The following LUZP2 variants were observed in gnomAD, a reference collection of about 807,000 sequenced individuals.
LUZP2 encodes the protein leucine zipper protein 2.
In LUZP2, 52 loss-of-function variants were observed where a neutral mutation model predicts 51.6. The observed-to-expected ratio is 1.01, with a 90% CI of 0.81 to 1.27. The LOEUF is 1.27. Among genes scored for constraint, LUZP2 ranks in the 50% most tolerant of loss-of-function variants. The pLI, the probability that LUZP2 is intolerant of heterozygous loss-of-function variation, is 0.00. For synonymous variants in LUZP2, 154 were observed against 137.3 expected, an observed-to-expected ratio of 1.12 and a Z score of -0.85; for missense variants, 436 against 395.4, an observed-to-expected ratio of 1.10 and a Z score of -0.87.
intron 4 of LUZP2, among the ~76,000 whole-genome samples, chr11:24,745,158 C>T (rs148808368): frequency 6.6e-4 from 101 of 152,152 alleles, no homozygotes; most frequent in African/African-American, 2.3e-3. Flanking sequence ...AAGTTGCATG[C>T]GCTGTTGAAT....
intron 1 of LUZP2, among the ~76,000 whole-genome samples, chr11:24,685,624 T>A (rs1856874129): frequency 6.6e-6 from 1 of 152,158 alleles, no homozygotes; most frequent in Non-Finnish European, 1.5e-5. Flanking sequence ...CAAAGCCTAC[T>A]TGGGAATCTA....
chr11:24,846,959 A>C, intron 5 of LUZP2, among the ~76,000 whole-genome samples: 1 of 151,858 alleles, frequency 6.6e-6, no homozygotes, highest in East Asian at 1.9e-4. Flanking sequence ...ATATGTACGT[A>C]TATGTATATA....
intron 5 of LUZP2, among the ~76,000 whole-genome samples, chr11:24,903,005 T>C (rs1487015418): frequency 6.6e-6 from 1 of 152,206 alleles, no homozygotes; most frequent in Non-Finnish European, 1.5e-5. Context: ...CGCTGTTTAT[T>C]AATTCATAGT....
chr11:24,925,784 T>G (rs571972748), intron 7 of LUZP2, among the ~76,000 whole-genome samples: 1 of 152,236 alleles, frequency 6.6e-6, no homozygotes, highest in Admixed American at 6.5e-5. Context: ...TCAGGTGGTG[T>G]TTGCTTACAT....
chr11:24,787,533 T>C (rs569099692), intron 5 of LUZP2, among the ~76,000 whole-genome samples: 1 of 152,306 alleles, frequency 6.6e-6, no homozygotes, highest in African/African-American at 2.4e-5. Context: ...TTTTCATTTA[T>C]ACCTAGTAAA....
chr11:24,532,791 A>T (rs943347785), intron 1 of LUZP2, among the ~76,000 whole-genome samples: 21 of 151,086 alleles, frequency 1.4e-4, no homozygotes, highest in Non-Finnish European at 2.8e-4. Context: ...AGGTTTCCTA[A>T]TTATATAAAT....
At position 25,013,740 on chromosome 11, in the gene LUZP2, A is replaced by G. The variant is rs137916630; in HGVS notation, c.765+30447A>G. Among the ~76,000 whole-genome samples the G allele has an allele frequency of 4.2e-3, 636 of 151,568 alleles. 4 individuals are homozygous for G. Among genetic ancestry groups the G allele is most frequent in the African/African-American group, 0.014 (592 of 41,048 alleles). On this transcript the variant is annotated intron_variant, in intron 9 of 11. Transcript: ENST00000336930. ...TTAAAAAATTACATTAACTGTATTT[A>G]TTTATTTATTATTCTTTTTTTATTA...
chr11:24,933,473 A>G (rs1854510597), intron 7 of LUZP2, among the ~76,000 whole-genome samples: 1 of 152,210 alleles, frequency 6.6e-6, no homozygotes, highest in Non-Finnish European at 1.5e-5. Context: ...GACCAGGTTT[A>G]TTCATTTGTT....
At chr11:25,060,161 A>G (rs1177772435) in intron 10 of LUZP2, among the ~76,000 whole-genome samples, 1 of 152,180 alleles carries the variant, frequency 6.6e-6, no homozygotes, top group Non-Finnish European at 1.5e-5. Context: ...GTCTTCATTC[A>G]TTAGAGTTGC....
At position 24,682,352 on chromosome 11, in the gene LUZP2, G is replaced by A. The variant is rs556831557; in HGVS notation, c.63-46817G>A. On this transcript the variant is annotated intron_variant, in intron 1 of 11. Coordinates refer to ENST00000336930, the MANE Select transcript of LUZP2 (RefSeq NM_001009909.4). Reference sequence around the variant, plus strand: ...TCTATTAAAAATGCAAAAATTAGCCGGCTACGGTGGCAAGTGTCTGTAATC... The same window carrying A: ...TCTATTAAAAATGCAAAAATTAGCCAGCTACGGTGGCAAGTGTCTGTAATC... 4.0e-5 allele frequency among the ~76,000 whole-genome samples: 6 copies of A among 151,586 alleles called. No homozygotes were observed. The East Asian group carries it at 9.9e-4, about 25-fold the overall frequency.
chr11:24,543,873 G>T (rs975202415), intron 1 of LUZP2, among the ~76,000 whole-genome samples: 2 of 145,434 alleles, frequency 1.4e-5, no homozygotes, highest in Non-Finnish European at 3.0e-5. Context: ...CAATATTTCC[G>T]GGTAGCTATA....
In LUZP2 at chr11:24,888,576, C is replaced by A. The variant is rs115583271; in HGVS notation, c.397-17415C>A. Among the ~76,000 whole-genome samples, 1,063 of 152,182 alleles carry A rather than the reference C, an allele frequency of 7.0e-3. 10 individuals are homozygous for A. The highest frequency in any genetic ancestry group is 0.024 in the African/African-American group (997 of 41,522). On this transcript the variant is annotated intron_variant, in intron 5 of 11. Transcript: ENST00000336930. The stretch of plus-strand genomic sequence containing the variant: ...CCACACAGGAGTGGGAAATATTACA[C>A]GACATTTTTAGGCAGATCTGACACA...
Position 24,731,981 on chromosome 11 carries a change from G to A in LUZP2, c.181-137G>A, listed in dbSNP as rs141834329. On this transcript the variant is annotated intron_variant, in intron 2 of 11. Coordinates refer to ENST00000336930, the MANE Select transcript of LUZP2 (RefSeq NM_001009909.4). ...TTTCTGTTTACATCCTTGGAGCCGTGAGGACCATCATAGACTCATTTTTAA... is the reference window on the plus strand; with the variant it reads ...TTTCTGTTTACATCCTTGGAGCCGTAAGGACCATCATAGACTCATTTTTAA... 4.9e-4 allele frequency: 279 copies of A among 567,486 alleles called. 5 individuals carry two copies. The East Asian group carries it at 7.9e-3, about 16-fold the overall frequency. 35.2% of individuals were successfully genotyped at this position (567,486 alleles called of 1,614,324 possible).
At chr11:24,622,139 A>T (rs1259593260) in intron 1 of LUZP2, among the ~76,000 whole-genome samples, 1 of 150,984 alleles carries the variant, frequency 6.6e-6, no homozygotes, top group Non-Finnish European at 1.5e-5. Flanking sequence ...TAATGTTATT[A>T]TTATTATACT....
rs551042759 is a variant in LUZP2 at position 24,860,085 on chromosome 11, A to G, written c.397-45906A>G. Among the ~76,000 whole-genome samples, 4 of 152,306 alleles carry G rather than the reference A, an allele frequency of 2.6e-5. 1 individual carries two copies. The South Asian group carries it at 8.3e-4, about 32-fold the overall frequency. On this transcript the variant is annotated intron_variant, in intron 5 of 11. Transcript: ENST00000336930. ...GGGCAGCACCCATCTCTATAGCTCC[A>G]GGCTACGCTTTTCCCCTGCTGGAGC...
In LUZP2 at chr11:25,000,703, G is replaced by A. The variant is rs141103438; in HGVS notation, c.765+17410G>A. 5.9e-3 allele frequency among the ~76,000 whole-genome samples: 892 copies of A among 152,224 alleles called. 7 individuals carry two copies. Among genetic ancestry groups the A allele is most frequent in the Non-Finnish European group, 7.2e-3 (490 of 68,018 alleles). On this transcript the variant is annotated intron_variant, in intron 9 of 11. Coordinates refer to ENST00000336930, the MANE Select transcript of LUZP2 (RefSeq NM_001009909.4). ...TCAGAAGCCTTTTCCTGTAAACACC[G>A]GGTGGCATCTCTTAGTATCCCTGAC...
At chr11:24,525,400 G>GT (rs1224368982) in intron 1 of LUZP2, among the ~76,000 whole-genome samples, 4 of 151,440 alleles carry the variant, frequency 2.6e-5, no homozygotes, top group Admixed American at 6.6e-5. Flanking sequence ...TTGTTATCAT[G>GT]TTTTTTTGCA....
chr11:24,652,465 A>G (rs1483140868), intron 1 of LUZP2, among the ~76,000 whole-genome samples: 2 of 152,164 alleles, frequency 1.3e-5, no homozygotes, highest in Non-Finnish European at 2.9e-5. Context: ...ATATGTAGAG[A>G]GAAATAATAT....
chr11:24,707,796 A>C (rs1427169640), intron 1 of LUZP2, among the ~76,000 whole-genome samples: 1 of 152,196 alleles, frequency 6.6e-6, no homozygotes, highest in African/African-American at 2.4e-5. Context: ...ATAGCACTCG[A>C]ATATAAAATT....
Sources: allele counts gnomAD v4.1 joint callset (sites outside exome capture counted in the v4.1 genomes callset), GRCh38; gene constraint gnomAD v4.1.1; transcripts MANE v1.5; gene names NCBI Gene and HGNC (gene_info 2026-07-23, HGNC 2026-07-21).